The following KCNH1 variants were observed in gnomAD, a reference collection of about 807,000 sequenced individuals.
KCNH1 encodes the protein potassium voltage-gated channel subfamily H member 1.
In KCNH1, 27 loss-of-function variants were observed where a neutral mutation model predicts 69.2. The ratio of observed to expected loss-of-function variants is 0.39; its 90% CI spans 0.29 to 0.54. KCNH1 has a LOEUF of 0.54. KCNH1 is among the 20% of genes least tolerant of loss of function. KCNH1 has a pLI of 0.68. For missense variants in KCNH1, 798 were observed against 1,261.6 expected, an observed-to-expected ratio of 0.63 and a Z score of 5.57; for synonymous variants, 456 against 487.7, an observed-to-expected ratio of 0.93 and a Z score of 0.86.
At chr1:210,813,358 A>G (rs1430765730) in intron 7 of KCNH1, among the ~76,000 whole-genome samples, 1 of 152,214 alleles carries the variant, frequency 6.6e-6, no homozygotes, top group African/African-American at 2.4e-5. Context: ...CATAAACACT[A>G]AGAACTTTGA....
chr1:210,715,564 T>A (rs1472760429), intron 10 of KCNH1, among the ~76,000 whole-genome samples: 1 of 151,802 alleles, frequency 6.6e-6, no homozygotes. Flanking sequence ...GGTTCAACTT[T>A]GCATTACTAA....
intron 10 of KCNH1, among the ~76,000 whole-genome samples, chr1:210,762,604 G>T (rs1683544740): frequency 6.6e-6 from 1 of 151,934 alleles, no homozygotes; most frequent in Non-Finnish European, 1.5e-5. Flanking sequence ...TCTCTATGTA[G>T]ACAAACTAGA....
chr1:210,793,706 A>T (rs1328646893), intron 9 of KCNH1, among the ~76,000 whole-genome samples: 3 of 152,268 alleles, frequency 2.0e-5, no homozygotes, highest in African/African-American at 7.2e-5. Flanking sequence ...AAAGAGCAAG[A>T]CAATGAGATG....
intron 7 of KCNH1, among the ~76,000 whole-genome samples, chr1:210,864,863 C>G (rs969043036): frequency 1.3e-5 from 2 of 152,222 alleles, no homozygotes; most frequent in Non-Finnish European, 2.9e-5. Context: ...AGTTCATTCA[C>G]ATAACTGGTG....
At chr1:210,877,969 T>C (rs1304214663) in intron 7 of KCNH1, among the ~76,000 whole-genome samples, 1 of 152,194 alleles carries the variant, frequency 6.6e-6, no homozygotes, top group Admixed American at 6.5e-5. Context: ...TCTTCCTGAA[T>C]TATAAATCTG....
intron 10 of KCNH1, among the ~76,000 whole-genome samples, chr1:210,729,156 C>G (rs1307407827): frequency 6.6e-6 from 1 of 152,154 alleles, no homozygotes; most frequent in Non-Finnish European, 1.5e-5. Context: ...TTTTAAATTC[C>G]TCAGCATGCA....
chr1:210,806,824 A>ATATATAT lies in KCNH1; in HGVS notation c.1463-2659_1463-2658insATATATA, dbSNP rs1387980426. Among the ~76,000 whole-genome samples, 27 of 44,928 alleles carry ATATATAT rather than the reference A, an allele frequency of 6.0e-4. 2 individuals are homozygous for ATATATAT. Among genetic ancestry groups the ATATATAT allele is most frequent in the South Asian group, 2.7e-3 (2 of 744 alleles). 29.5% of individuals were successfully genotyped at this position (44,928 alleles called of 152,430 possible). A position where few individuals can be genotyped will look rare whatever the true frequency, so the allele number is the denominator to read the frequency against. On this transcript the variant is annotated intron_variant, in intron 7 of 10. Transcript: ENST00000271751. ...ATCTCTACCAAAAAAAAAAAAAAAAAAAAAAAAAAAAAATATATATATATA... is the reference window on the plus strand; with the variant it reads ...ATCTCTACCAAAAAAAAAAAAAAAAATATATATAAAAAAAAAAAAATATATATATATA...
intron 7 of KCNH1, among the ~76,000 whole-genome samples, chr1:210,840,725 AGC>A (rs1685388422): frequency 6.6e-6 from 1 of 152,220 alleles, no homozygotes; most frequent in Non-Finnish European, 1.5e-5. Flanking sequence ...AGCCTGCATT[AGC>A]AGTTTTCAGC....
chr1:210,761,023 C>T (rs7541814), intron 10 of KCNH1, among the ~76,000 whole-genome samples: 20,574 of 151,636 alleles, frequency 0.14, 1,462 homozygotes, highest in Non-Finnish European at 0.16. Context: ...GAGGCCGAGG[C>T]GGGCGGATCA....
intron 10 of KCNH1, among the ~76,000 whole-genome samples, chr1:210,715,786 C>G (rs1682218001): frequency 6.6e-6 from 1 of 152,174 alleles, no homozygotes; most frequent in Admixed American, 6.5e-5. Flanking sequence ...GAAACGCTCT[C>G]TGAGTTATGT....
At chr1:211,066,148 G>T (rs376617964) in intron 5 of KCNH1, among the ~76,000 whole-genome samples, 1 of 152,082 alleles carries the variant, frequency 6.6e-6, no homozygotes, top group Non-Finnish European at 1.5e-5. Context: ...TGCAAGAAAC[G>T]ATGGGTATTT....
intron 10 of KCNH1, among the ~76,000 whole-genome samples, chr1:210,696,960 A>T (rs1317014342): frequency 6.6e-6 from 1 of 152,224 alleles, no homozygotes; most frequent in African/African-American, 2.4e-5. Flanking sequence ...GCTGATGCTA[A>T]CCATTTTACA....
chr1:210,962,429 T>G (rs1304131870), intron 6 of KCNH1, among the ~76,000 whole-genome samples: 1 of 152,202 alleles, frequency 6.6e-6, no homozygotes, highest in Non-Finnish European at 1.5e-5. Context: ...CTCTCCATTT[T>G]TAACAAATGT....
intron 5 of KCNH1, among the ~76,000 whole-genome samples, chr1:211,082,319 T>G (rs996616646): frequency 6.6e-6 from 1 of 152,206 alleles, no homozygotes; most frequent in African/African-American, 2.4e-5. Flanking sequence ...ATTTAGGAAA[T>G]AGGATATCTA....
intron 6 of KCNH1, among the ~76,000 whole-genome samples, chr1:210,987,333 C>T (rs957522424): frequency 1.4e-4 from 22 of 152,294 alleles, no homozygotes; most frequent in Non-Finnish European, 2.1e-4. Context: ...TGAGGAGCTG[C>T]GTTTCTTTCG....
chr1:210,929,435 T>A (rs1687638595), intron 6 of KCNH1, among the ~76,000 whole-genome samples: 1 of 152,136 alleles, frequency 6.6e-6, no homozygotes, highest in African/African-American at 2.4e-5. Context: ...ATCACATGAT[T>A]ATCTCAATAG....
chr1:210,954,979 G>A (rs985220504), intron 6 of KCNH1, among the ~76,000 whole-genome samples: 1 of 152,176 alleles, frequency 6.6e-6, no homozygotes, highest in Non-Finnish European at 1.5e-5. Flanking sequence ...CTTTGCCCAT[G>A]CCTATGTCCT....
chr1:210,774,359 G>A (rs1574248002), intron 10 of KCNH1, among the ~76,000 whole-genome samples: 1 of 152,068 alleles, frequency 6.6e-6, no homozygotes, highest in African/African-American at 2.4e-5. Flanking sequence ...GGGCCTTGAG[G>A]ATGAAGGCAA....
intron 6 of KCNH1, among the ~76,000 whole-genome samples, chr1:210,927,900 A>G (rs1168560662): frequency 2.0e-5 from 3 of 152,182 alleles, no homozygotes; most frequent in Non-Finnish European, 4.4e-5. Flanking sequence ...AAAAATGAGC[A>G]GGAGTGGCTA....
Sources: allele counts gnomAD v4.1 joint callset (sites outside exome capture counted in the v4.1 genomes callset), GRCh38; gene constraint gnomAD v4.1.1; transcripts MANE v1.5; gene names NCBI Gene and HGNC (gene_info 2026-07-23, HGNC 2026-07-21).